OR4M1: variants seen among roughly 807,000 people sequenced by gnomAD.
The protein encoded by OR4M1 is olfactory receptor 4M1.
A neutral mutation model predicts 9.8 loss-of-function variants in OR4M1; 7 were observed. The observed-to-expected ratio is 0.71, with a 90% confidence interval of 0.41 to 1.34. The LOEUF is 1.34. OR4M1 is among the 40% of genes most tolerant of loss of function. OR4M1 has a pLI of 0.01. For synonymous variants in OR4M1, 121 were observed against 139.8 expected (o/e 0.87, Z 0.95); for missense variants, 331 against 380.4 (o/e 0.87, Z 1.08).
chr14:19,780,275 GTTTC>G lies in OR4M1; in HGVS notation c.-29-15_-29-12del. On this transcript the variant is annotated splice_polypyrimidine_tract_variant and intron_variant, in intron 1 of 1. Transcript: ENST00000641200. Reference sequence around the variant, plus strand: ...ATAAATGCTATGTGGACTAATTATAGTTTCTTTAATTTTCATAGTTATATTATGA... The same window carrying G: ...ATAAATGCTATGTGGACTAATTATAGTTTAATTTTCATAGTTATATTATGA... 1.3e-6 allele frequency: 2 copies of G among 1,532,018 alleles called. No individual in the cohort carries two copies. The highest frequency in any genetic ancestry group is 1.8e-6 in the Non-Finnish European group (2 of 1,136,746). 94.9% of individuals were successfully genotyped at this position (1,532,018 alleles called of 1,614,324 possible). A position where few individuals can be genotyped will look rare whatever the true frequency, so the allele number is the denominator to read the frequency against.
chr14:19,776,879 C>T (rs1270231586), intron 1 of OR4M1, among the ~76,000 whole-genome samples: 1 of 151,664 alleles, frequency 6.6e-6, no homozygotes, highest in East Asian at 1.9e-4. Context: ...GTTCAAATTC[C>T]AGCTGCCTTT....
chr14:19,781,554 G>T lies in OR4M1; in HGVS notation c.*290G>T, dbSNP rs544709904. ...TAATTGTTTATTGAGTAACTACTCT[G>T]CAGAGGCTCTGGCTTTGAGGGGAAC... On this transcript the variant is annotated 3_prime_UTR_variant, in exon 2 of 2. Coordinates refer to ENST00000641200, the MANE Select transcript of OR4M1 (RefSeq NM_001005500.2). 10 of 353,394 alleles carry T rather than the reference G, an allele frequency of 2.8e-5. No individual in the cohort carries two copies. In the East Asian group the frequency reaches 4.9e-4, roughly 17 times the overall value. The allele number at this position is 353,394 out of a possible 1,614,324, so 21.9% of individuals were successfully genotyped here. A position where few individuals can be genotyped will look rare whatever the true frequency, so the allele number is the denominator to read the frequency against.
intron 1 of OR4M1, among the ~76,000 whole-genome samples, chr14:19,773,899 G>A (rs1364968820): frequency 5.9e-5 from 9 of 152,220 alleles, no homozygotes; most frequent in Non-Finnish European, 1.3e-4. Context: ...TGAATCATTT[G>A]TAAATAAGCT....
rs1878566148 is a variant in OR4M1 at position 19,783,570 on chromosome 14, C to T, written c.*2306C>T. Reference sequence around the variant, plus strand: ...TATTGTTTCCAAATAGCTCAGTATCCTCAGCAATCACATACAAAATATGCC... The same window carrying T: ...TATTGTTTCCAAATAGCTCAGTATCTTCAGCAATCACATACAAAATATGCC... On this transcript the variant is annotated 3_prime_UTR_variant, in exon 2 of 2. Transcript: ENST00000641200. 6.6e-6 allele frequency: 1 copy of T among 152,280 alleles called. No homozygotes were observed. The highest frequency in any genetic ancestry group is 1.5e-5 in the Non-Finnish European group (1 of 68,080). The allele number at this position is 152,280 out of a possible 1,614,324, so 9.4% of individuals were successfully genotyped here.
In OR4M1 at chr14:19,781,358, C is replaced by A; in HGVS notation, c.*94C>A. On this transcript the variant is annotated 3_prime_UTR_variant, in exon 2 of 2. Coordinates refer to ENST00000641200, the MANE Select transcript of OR4M1 (RefSeq NM_001005500.2). Reference sequence around the variant, plus strand: ...TAATGCTGCATTCACTTCCTCCGTTCATTTGTGTTCTTAAAATTTTACTAT... The same window carrying A: ...TAATGCTGCATTCACTTCCTCCGTTAATTTGTGTTCTTAAAATTTTACTAT... 1 of 1,112,046 alleles carries A rather than the reference C, an allele frequency of 9.0e-7. No homozygotes were observed. The allele number at this position is 1,112,046 out of a possible 1,614,324, so 68.9% of individuals were successfully genotyped here.
At chr14:19,773,835 T>C (rs1878236316) in intron 1 of OR4M1, among the ~76,000 whole-genome samples, 1 of 152,212 alleles carries the variant, frequency 6.6e-6, no homozygotes, top group Non-Finnish European at 1.5e-5. Flanking sequence ...CATTTTAAAG[T>C]CAGGATTGAA....
At chr14:19,774,820 T>C (rs1178940620) in intron 1 of OR4M1, among the ~76,000 whole-genome samples, 1 of 152,238 alleles carries the variant, frequency 6.6e-6, no homozygotes, top group African/African-American at 2.4e-5. Context: ...ATGAGGCACA[T>C]TGAGGCAGAG....
intron 1 of OR4M1, among the ~76,000 whole-genome samples, chr14:19,779,953 T>A (rs1878418188): frequency 6.6e-6 from 1 of 152,236 alleles, no homozygotes; most frequent in African/African-American, 2.4e-5. Flanking sequence ...AGTCTAAAAT[T>A]TGGCTACACT....
chr14:19,775,789 ATAT>A (rs1371731243), intron 1 of OR4M1, among the ~76,000 whole-genome samples: 1 of 147,910 alleles, frequency 6.8e-6, no homozygotes, highest in Non-Finnish European at 1.5e-5. Context: ...ATATTAAAGT[ATAT>A]TATTAAATAT....
chr14:19,781,990 A>G lies in OR4M1; in HGVS notation c.*726A>G, dbSNP rs1878514415. On this transcript the variant is annotated 3_prime_UTR_variant, in exon 2 of 2. Transcript: ENST00000641200. ...CAGGCAACTAGCAATTTTTATAGCC[A>G]GTCCCTACTTACATCCTTCAGAGTG... 3 of 152,436 alleles carry G rather than the reference A, an allele frequency of 2.0e-5. No homozygotes were observed. The highest frequency in any genetic ancestry group is 2.9e-5 in the Non-Finnish European group (2 of 68,192). The allele number at this position is 152,436 out of a possible 1,614,324, so 9.4% of individuals were successfully genotyped here. A position where few individuals can be genotyped will look rare whatever the true frequency, so the allele number is the denominator to read the frequency against.
In OR4M1 at chr14:19,780,535, T is replaced by G; in HGVS notation, c.213T>G (p.Ile71Met). ...TGGCTAATCTGGCCCTCCTTGATATTTGGTACTCTTCCATTACAGCCCCTA... is the reference window on the plus strand; with the variant it reads ...TGGCTAATCTGGCCCTCCTTGATATGTGGTACTCTTCCATTACAGCCCCTA... Reference protein sequence around the residue: ...FLLANLALLDIWYSSITAPKM... With the variant: ...FLLANLALLDMWYSSITAPKM... Residue 71 changes from isoleucine to methionine, a missense_variant, in exon 2 of 2, where the codon ATT (isoleucine) becomes ATG (methionine). Physicochemically the swap from Ile to Met is conservative, Grantham distance 10. This residue lies in a region of OR4M1 where 209 missense variants were observed against 200.0 expected (regional missense o/e 1.04). Coordinates refer to ENST00000641200, the MANE Select transcript of OR4M1 (RefSeq NM_001005500.2). The G allele has an allele frequency of 6.2e-7, 1 of 1,614,242 alleles. No individual in the cohort carries two copies. The highest frequency in any genetic ancestry group is 8.5e-7 in the Non-Finnish European group (1 of 1,180,026).
In OR4M1 at chr14:19,783,415, A is replaced by C. The variant is rs140907441; in HGVS notation, c.*2151A>C. On this transcript the variant is annotated 3_prime_UTR_variant, in exon 2 of 2. Coordinates refer to ENST00000641200, the MANE Select transcript of OR4M1 (RefSeq NM_001005500.2). ...TCCCACATGAATTATCTGGCCCAAA[A>C]TGTCAATAGTGCCGAGAATGAAGAA... 3 of 152,876 alleles carry C rather than the reference A, an allele frequency of 2.0e-5. No homozygotes were observed. In the East Asian group the frequency reaches 5.8e-4, roughly 29 times the overall value. The allele number at this position is 152,876 out of a possible 1,614,324, so 9.5% of individuals were successfully genotyped here.
chr14:19,780,395 C>G lies in OR4M1; in HGVS notation c.73C>G (p.Leu25Val). The change falls in exon 2 of 2, where the codon CTA (leucine) becomes GTA (valine). Residue 25 changes from leucine (L) to valine (V), a missense_variant. Physicochemically the swap from Leu to Val is conservative, Grantham distance 32. Around this residue, in one of 2 missense-constraint regions of OR4M1, gnomAD observed 209 missense variants for 200.0 expected, o/e 1.04. Coordinates refer to ENST00000641200, the MANE Select transcript of OR4M1 (RefSeq NM_001005500.2). ...CCTATCCCAGACTCGGGAGGTCCAACTAGTCCTATTTGTTATATTTCTATC... is the reference window on the plus strand; with the variant it reads ...CCTATCCCAGACTCGGGAGGTCCAAGTAGTCCTATTTGTTATATTTCTATC... Reference protein sequence around the residue: ...TGLSQTREVQLVLFVIFLSFY... With the variant: ...TGLSQTREVQVVLFVIFLSFY... 6.2e-7 allele frequency: 1 copy of G among 1,614,210 alleles called. No homozygotes were observed. Among genetic ancestry groups the G allele is most frequent in the Middle Eastern group, 1.7e-4 (1 of 6,058 alleles).
chr14:19,780,041 G>C (rs1378793410), intron 1 of OR4M1, among the ~76,000 whole-genome samples: 2 of 152,220 alleles, frequency 1.3e-5, no homozygotes, highest in African/African-American at 2.4e-5. Context: ...TTCAGAAAAA[G>C]TAAGATTTTT....
chr14:19,781,160 A>G lies in OR4M1; in HGVS notation c.838A>G (p.Ile280Val). The G allele has an allele frequency of 6.2e-7, 1 of 1,614,216 alleles. No homozygotes were observed. The highest frequency in any genetic ancestry group is 8.5e-7 in the Non-Finnish European group (1 of 1,180,040). The change falls in exon 2 of 2, where the codon ATA becomes GTA. Residue 280 changes from isoleucine to valine, a missense_variant. Transcript: ENST00000641200. ...AGTGGTGTCTGTGTTTCATACTGTA[A>G]TATTCCCTTTACTTAATCCCATTAT... ...DKVVSVFHTV[I>V]FPLLNPIIYT... is the part of the protein sequence containing the mutation.
In OR4M1 at chr14:19,783,672, T is replaced by C. The variant is rs1344420178; in HGVS notation, c.*2408T>C. 1 of 152,308 alleles carries C rather than the reference T, an allele frequency of 6.6e-6. No individual in the cohort carries two copies. The highest frequency in any genetic ancestry group is 1.5e-5 in the Non-Finnish European group (1 of 68,076). The allele number at this position is 152,308 out of a possible 1,614,324, so 9.4% of individuals were successfully genotyped here. Reference sequence around the variant, plus strand: ...AAATGTCTTTTAATCTCTTTTTTTCTTTCAGTCTCTCCTAGTCCTCCTTCT... The same window carrying C: ...AAATGTCTTTTAATCTCTTTTTTTCCTTCAGTCTCTCCTAGTCCTCCTTCT... On this transcript the variant is annotated 3_prime_UTR_variant, in exon 2 of 2. Transcript: ENST00000641200.
At position 19,781,295 on chromosome 14, in the gene OR4M1, G is replaced by T. The variant is rs752310594; in HGVS notation, c.*31G>T. The T allele has an allele frequency of 2.0e-6, 3 of 1,524,414 alleles. No homozygotes were observed. The highest frequency in any genetic ancestry group is 2.7e-6 in the Non-Finnish European group (3 of 1,117,606). 94.4% of individuals were successfully genotyped at this position (1,524,414 alleles called of 1,614,324 possible). ...AAATTATACATTTTATAGTCCTCCTGAGGATCATTGTCCTAAAGCAGGAAG... is the reference window on the plus strand; with the variant it reads ...AAATTATACATTTTATAGTCCTCCTTAGGATCATTGTCCTAAAGCAGGAAG... On this transcript the variant is annotated 3_prime_UTR_variant, in exon 2 of 2. Transcript: ENST00000641200.
At chr14:19,775,797 A>AATTTT (rs1878294612) in intron 1 of OR4M1, among the ~76,000 whole-genome samples, 5 of 148,020 alleles carry the variant, frequency 3.4e-5, no homozygotes, top group Admixed American at 6.8e-5. Context: ...GTATATTATT[A>AATTTT]AATATAATAT....
rs965191043 is a variant in OR4M1 at position 19,782,660 on chromosome 14, T to A, written c.*1396T>A. ...ATGGTGGTACACAAAGCTTGTTTTTTGCTTTGGGAATTTTTCCTTATGGTG... is the reference window on the plus strand; with the variant it reads ...ATGGTGGTACACAAAGCTTGTTTTTAGCTTTGGGAATTTTTCCTTATGGTG... On this transcript the variant is annotated 3_prime_UTR_variant, in exon 2 of 2. Coordinates refer to ENST00000641200, the MANE Select transcript of OR4M1 (RefSeq NM_001005500.2). 3 of 152,244 alleles carry A rather than the reference T, an allele frequency of 2.0e-5. No homozygotes were observed. The highest frequency in any genetic ancestry group is 7.2e-5 in the African/African-American group (3 of 41,466). 9.4% of individuals were successfully genotyped at this position (152,244 alleles called of 1,614,324 possible).
Sources: gnomAD v4.1 joint callset for allele counts (sites outside exome capture counted in the v4.1 genomes callset) on GRCh38, gnomAD v4.1.1 for gene constraint, gnomAD v4.1.1 regional missense constraint, MANE v1.5 for transcripts, NCBI Gene and HGNC (gene_info 2026-07-23, HGNC 2026-07-21) for gene names.